The following TEAD1 variants were observed in gnomAD, a reference collection of about 807,000 sequenced individuals.
The protein encoded by TEAD1 is TEA domain transcription factor 1, also known as transcriptional enhancer factor TEF-1.
Under a neutral mutation model 54.9 loss-of-function variants are expected in TEAD1, and 9 were observed. That is an observed-to-expected ratio of 0.16 (90% confidence interval 0.10 to 0.29). The LOEUF is 0.29. Ranked by LOEUF, TEAD1 falls within the 10% of genes least tolerant of loss-of-function variation. The pLI, the probability that TEAD1 is intolerant of heterozygous loss-of-function variation, is 1.00. For missense variants in TEAD1, 387 were observed against 535.9 expected (o/e 0.72, Z 2.74); for synonymous variants, 200 against 187.8 (o/e 1.07, Z -0.53).
chr11:12,773,216 C>T (rs1224672373), intron 3 of TEAD1, among the ~76,000 whole-genome samples: 1 of 152,206 alleles, frequency 6.6e-6, no homozygotes, highest in East Asian at 1.9e-4. Flanking sequence ...TCAGGCATTT[C>T]AAATCCACTG....
chr11:12,699,894 C>T (rs1943661803), intron 2 of TEAD1, among the ~76,000 whole-genome samples: 1 of 152,198 alleles, frequency 6.6e-6, no homozygotes, highest in African/African-American at 2.4e-5. Flanking sequence ...AGTGTTCCTT[C>T]TCTGCCATTG....
intron 2 of TEAD1, among the ~76,000 whole-genome samples, chr11:12,688,245 G>C (rs754534026): frequency 4.0e-5 from 6 of 149,924 alleles, no homozygotes; most frequent in Non-Finnish European, 8.8e-5. Context: ...AGAGTTAACT[G>C]TGCTTGCCCA....
At chr11:12,752,224 T>TC (rs1348348077) in intron 2 of TEAD1, among the ~76,000 whole-genome samples, 1 of 151,384 alleles carries the variant, frequency 6.6e-6, no homozygotes, top group Admixed American at 6.6e-5. Flanking sequence ...TTTTTTTTTT[T>TC]TTTTTTTTTC....
intron 3 of TEAD1, among the ~76,000 whole-genome samples, chr11:12,831,875 A>C (rs1228327997): frequency 6.6e-6 from 1 of 152,072 alleles, no homozygotes; most frequent in East Asian, 1.9e-4. Flanking sequence ...GAAATATGCC[A>C]CTTGTTTTTA....
chr11:12,810,393 G>C (rs1946276392), intron 3 of TEAD1, among the ~76,000 whole-genome samples: 1 of 152,138 alleles, frequency 6.6e-6, no homozygotes, highest in African/African-American at 2.4e-5. Context: ...TTCCCCATGA[G>C]GGTCTAAGCC....
At chr11:12,816,162 C>T (rs564046911) in intron 3 of TEAD1, among the ~76,000 whole-genome samples, 3 of 152,262 alleles carry the variant, frequency 2.0e-5, no homozygotes, top group South Asian at 2.1e-4. Flanking sequence ...TGCCTGCACT[C>T]GGGTGGCTTT....
intron 2 of TEAD1, among the ~76,000 whole-genome samples, chr11:12,755,566 A>C (rs1206953966): frequency 1.3e-5 from 2 of 152,212 alleles, no homozygotes; most frequent in African/African-American, 4.8e-5. Context: ...AAGGCTTATG[A>C]GTTTTCCTTT....
chr11:12,821,928 T>G (rs1946554286), intron 3 of TEAD1, among the ~76,000 whole-genome samples: 1 of 149,678 alleles, frequency 6.7e-6, no homozygotes, highest in Admixed American at 6.7e-5. Flanking sequence ...CTCTTTCCTC[T>G]TTTCCTATAC....
chr11:12,921,731 T>C (rs1378760898), intron 10 of TEAD1, among the ~76,000 whole-genome samples: 1 of 152,108 alleles, frequency 6.6e-6, no homozygotes, highest in Admixed American at 6.6e-5. Flanking sequence ...ATTCCAGTGT[T>C]CAGAGCCCCT....
chr11:12,696,837 G>A (rs1943595001), intron 2 of TEAD1, among the ~76,000 whole-genome samples: 5 of 152,038 alleles, frequency 3.3e-5, no homozygotes, highest in Admixed American at 3.3e-4. Context: ...AGCAGATAGA[G>A]CTGTCCTGGA....
chr11:12,730,429 T>G (rs938184736), intron 2 of TEAD1, among the ~76,000 whole-genome samples: 6 of 147,416 alleles, frequency 4.1e-5, no homozygotes, highest in South Asian at 2.2e-4. Flanking sequence ...TTTTTTTTTT[T>G]TTTTTTTTTT....
In TEAD1 at chr11:12,937,937, A is replaced by G. The variant is rs943157553; in HGVS notation, c.*715A>G. 1 of 151,954 alleles carries G rather than the reference A, an allele frequency of 6.6e-6. No homozygotes were observed. Among genetic ancestry groups the G allele is most frequent in the Non-Finnish European group, 1.5e-5 (1 of 68,004 alleles). 9.4% of individuals were successfully genotyped at this position (151,954 alleles called of 1,614,324 possible). A position where few individuals can be genotyped will look rare whatever the true frequency, so the allele number is the denominator to read the frequency against. Reference sequence around the variant, plus strand: ...TCCATTAAACTCTTGAACAGGTATTACAAAGGAAGAAAACTTCACCCCTTA... The same window carrying G: ...TCCATTAAACTCTTGAACAGGTATTGCAAAGGAAGAAAACTTCACCCCTTA... On this transcript the variant is annotated 3_prime_UTR_variant, in exon 13 of 13. Transcript: ENST00000527636.
rs559490116 is a variant in TEAD1 at position 12,855,415 on chromosome 11, G to A, written c.203-6835G>A. On this transcript the variant is annotated intron_variant, in intron 3 of 12. Transcript: ENST00000527636. ...AGCGACTCTCCTGCCTCAGCCCCCC[G>A]AGTAGCTGGGATTACAGGCATGTGC... is the stretch of plus-strand genomic sequence containing the variant. Among the ~76,000 whole-genome samples the A allele has an allele frequency of 7.2e-5, 11 of 152,052 alleles. No homozygotes were observed. In the East Asian group the frequency reaches 7.8e-4, roughly 11 times the overall value.
At chr11:12,781,842 T>TA (rs1297449418) in intron 3 of TEAD1, among the ~76,000 whole-genome samples, 1 of 148,024 alleles carries the variant, frequency 6.8e-6, no homozygotes, top group Non-Finnish European at 1.5e-5. Context: ...ACTTGTACAT[T>TA]AGGGGTAGGT....
At chr11:12,695,616 C>T (rs1031295163) in intron 2 of TEAD1, among the ~76,000 whole-genome samples, 1 of 152,188 alleles carries the variant, frequency 6.6e-6, no homozygotes, top group African/African-American at 2.4e-5. Flanking sequence ...TTAGCAACCA[C>T]ACAGAGCACA....
intron 10 of TEAD1, among the ~76,000 whole-genome samples, chr11:12,905,805 A>G (rs1426155262): frequency 1.3e-5 from 2 of 151,844 alleles, no homozygotes; most frequent in African/African-American, 2.4e-5. Context: ...TTACCTGTTT[A>G]TTTGATCGTT....
At chr11:12,768,407 CAAAG>C (rs1004580539) in intron 3 of TEAD1, among the ~76,000 whole-genome samples, 63 of 152,328 alleles carry the variant, frequency 4.1e-4, no homozygotes, top group African/African-American at 1.3e-3. Context: ...GAACTGAAAA[CAAAG>C]AAGTGCTCTC....
chr11:12,749,430 T>C (rs1325459472), intron 2 of TEAD1, among the ~76,000 whole-genome samples: 2 of 152,164 alleles, frequency 1.3e-5, no homozygotes, highest in East Asian at 3.9e-4. Context: ...CCTTTTTCCC[T>C]AAAGAAATTT....
At chr11:12,751,050 C>T (rs182933542) in intron 2 of TEAD1, among the ~76,000 whole-genome samples, 51 of 152,264 alleles carry the variant, frequency 3.3e-4, no homozygotes, top group Admixed American at 3.0e-3. Flanking sequence ...GTGGTTCATG[C>T]CTGTAGTCCC....
Sources: allele counts gnomAD v4.1 joint callset (sites outside exome capture counted in the v4.1 genomes callset), GRCh38; gene constraint gnomAD v4.1.1; transcripts MANE v1.5; gene names NCBI Gene and HGNC (gene_info 2026-07-23, HGNC 2026-07-21).